ZNF330: variants seen among roughly 807,000 people sequenced by gnomAD.
ZNF330 encodes zinc finger protein 330.
A neutral mutation model predicts 45.5 loss-of-function variants in ZNF330; 31 were observed. The ratio of observed to expected loss-of-function variants is 0.68; its 90% confidence interval spans 0.51 to 0.92. The LOEUF (loss-of-function observed/expected upper bound fraction) is 0.92. Ranked by LOEUF, ZNF330 falls within the 40% of genes least tolerant of loss-of-function variation. The pLI, the probability that ZNF330 is intolerant of heterozygous loss-of-function variation, is 0.00. For missense variants in ZNF330, 356 were observed against 387.4 expected (o/e 0.92, Z 0.68); for synonymous variants, 138 against 123.2 (o/e 1.12, Z -0.79).
intron 1 of ZNF330, among the ~76,000 whole-genome samples, chr4:141,221,597 T>C (rs1006860739): frequency 3.9e-5 from 6 of 152,198 alleles, no homozygotes; most frequent in African/African-American, 9.7e-5. Flanking sequence ...TAAATCTGGC[T>C]ATTTTTCAGT....
chr4:141,232,626 G>A lies in ZNF330; in HGVS notation c.672G>A (p.Lys224=). The stretch of plus-strand genomic sequence containing the variant: ...GTGGGCATGAAACTCAGGAGACTAA[G>A]GACCTTAGCATGTCAAGTAAGGCCC... ...PKCGHETQET[K]DLSMSTRSLK... is the part of the protein sequence containing the mutation. The change falls in exon 9 of 10, where the codon AAG becomes AAA. Residue 224 remains lysine, a synonymous_variant. Transcript: ENST00000262990. The A allele has an allele frequency of 6.4e-7, 1 of 1,573,592 alleles. No homozygotes were observed. Among genetic ancestry groups the A allele is most frequent in the Non-Finnish European group, 8.6e-7 (1 of 1,161,428 alleles).
chr4:141,224,384 C>A, intron 2 of ZNF330, 103 bp from the exon 3 acceptor site: 1 of 1,069,080 alleles, frequency 9.4e-7, no homozygotes, highest in Non-Finnish European at 1.4e-6. Context: ...GGTGTAGTGT[C>A]ACTTAAATTT....
intron 1 of ZNF330, among the ~76,000 whole-genome samples, chr4:141,221,895 A>T (rs1728688594): frequency 6.6e-6 from 1 of 152,212 alleles, no homozygotes; most frequent in Non-Finnish European, 1.5e-5. Context: ...TACATATTAC[A>T]TAGGAAAAAT....
rs1728753138 is a variant in ZNF330 at position 141,224,472 on chromosome 4, T to G, written c.121-15T>G. 1 of 1,602,574 alleles carries G rather than the reference T, an allele frequency of 6.2e-7. No individual in the cohort carries two copies. The highest frequency in any genetic ancestry group is 1.3e-5 in the African/African-American group (1 of 74,520). On this transcript the variant is annotated splice_polypyrimidine_tract_variant and intron_variant, in intron 2 of 9. Coordinates refer to ENST00000262990, the MANE Select transcript of ZNF330 (RefSeq NM_014487.6). ...GTCAGCAGAAAAATTAATGTGATAT[T>G]TTTATATGTTACAGGAATGTGACAA...
chr4:141,222,476 A>AT lies in ZNF330; in HGVS notation c.106dup (p.Cys36LeufsTer2). 6.2e-7 allele frequency: 1 copy of AT among 1,612,718 alleles called. No individual in the cohort carries two copies. The highest frequency in any genetic ancestry group is 8.5e-7 in the Non-Finnish European group (1 of 1,179,552). On this transcript the variant is annotated frameshift_variant, in exon 2 of 10. Transcript: ENST00000262990. LOFTEE classifies it high-confidence loss of function. Reference sequence around the variant, plus strand: ...GCACTATAGATTTAGCTAAACATCCATGTAATGCCTCAATGGTATCAGCTT... The same window carrying AT: ...GCACTATAGATTTAGCTAAACATCCATTGTAATGCCTCAATGGTATCAGCTT...
At chr4:141,225,728 T>G (rs1030271327) in intron 4 of ZNF330, among the ~76,000 whole-genome samples, 1 of 152,076 alleles carries the variant, frequency 6.6e-6, no homozygotes. Context: ...TATGGAACAC[T>G]CATATGGTAG....
At position 141,234,196 on chromosome 4, in the gene ZNF330, G is replaced by C. The variant is rs1183597204; in HGVS notation, c.*207G>C. ...TAAGAAAAATGAGTTTCAAATTTAA[G>C]ATGTTTATTGATCGAAGCAATTGAA... is the stretch of plus-strand genomic sequence containing the variant. On this transcript the variant is annotated 3_prime_UTR_variant, in exon 10 of 10. Coordinates refer to ENST00000262990, the MANE Select transcript of ZNF330 (RefSeq NM_014487.6). 2.1e-6 allele frequency: 2 copies of C among 931,660 alleles called. No individual in the cohort carries two copies. The highest frequency in any genetic ancestry group is 3.3e-5 in the African/African-American group (2 of 59,704). 57.7% of individuals were successfully genotyped at this position (931,660 alleles called of 1,614,324 possible). A position where few individuals can be genotyped will look rare whatever the true frequency, so the allele number is the denominator to read the frequency against.
intron 8 of ZNF330, 82 bp downstream of exon 8, chr4:141,231,567 A>C: frequency 1.0e-6 from 1 of 995,234 alleles, no homozygotes; most frequent in Non-Finnish European, 1.5e-6. Flanking sequence ...ATATGCAGCT[A>C]TAATTAATTT....
At position 141,234,187 on chromosome 4, in the gene ZNF330, C is replaced by T; in HGVS notation, c.*198C>T. The T allele has an allele frequency of 2.0e-6, 2 of 1,009,364 alleles. No individual in the cohort carries two copies. The highest frequency in any genetic ancestry group is 5.9e-5 in the East Asian group (2 of 33,670). 62.5% of individuals were successfully genotyped at this position (1,009,364 alleles called of 1,614,324 possible). Reference sequence around the variant, plus strand: ...CTTATGGCATAAGAAAAATGAGTTTCAAATTTAAGATGTTTATTGATCGAA... The same window carrying T: ...CTTATGGCATAAGAAAAATGAGTTTTAAATTTAAGATGTTTATTGATCGAA... On this transcript the variant is annotated 3_prime_UTR_variant, in exon 10 of 10. Transcript: ENST00000262990.
Position 141,222,365 on chromosome 4 carries a change from G to A in ZNF330, c.-6-1G>A. 6.2e-7 allele frequency: 1 copy of A among 1,611,482 alleles called. No individual in the cohort carries two copies. The highest frequency in any genetic ancestry group is 8.5e-7 in the Non-Finnish European group (1 of 1,179,010). On this transcript the variant is annotated splice_acceptor_variant, in intron 1 of 9. Coordinates refer to ENST00000262990, the MANE Select transcript of ZNF330 (RefSeq NM_014487.6). LOFTEE classifies it low-confidence loss of function (5UTR_SPLICE). Reference sequence around the variant, plus strand: ...TTTTCTGTTCTCTTGTGTCAAAATAGGGGAAAATGCCTAAAAAAAAGACTG... The same window carrying A: ...TTTTCTGTTCTCTTGTGTCAAAATAAGGGAAAATGCCTAAAAAAAAGACTG...
chr4:141,223,845 T>G (rs991500600), intron 2 of ZNF330: 2 of 454,660 alleles, frequency 4.4e-6, no homozygotes, highest in African/African-American at 4.0e-5. Flanking sequence ...ACCAGAACTT[T>G]CAACAGGTAG....
At chr4:141,229,096 G>A (rs889313636) in intron 5 of ZNF330, among the ~76,000 whole-genome samples, 5 of 151,976 alleles carry the variant, frequency 3.3e-5, no homozygotes, top group South Asian at 2.1e-4. Flanking sequence ...CAGAAGTTTC[G>A]TATTTCTCAG....
At chr4:141,229,004 A>G (rs540629434) in intron 5 of ZNF330, among the ~76,000 whole-genome samples, 1 of 152,230 alleles carries the variant, frequency 6.6e-6, no homozygotes, top group South Asian at 2.1e-4. Flanking sequence ...TTAGTTCCAT[A>G]TATTTTACTT....
intron 7 of ZNF330, among the ~76,000 whole-genome samples, chr4:141,230,988 C>T (rs536456332): frequency 9.2e-4 from 139 of 151,840 alleles, no homozygotes; most frequent in Non-Finnish European, 1.6e-3. Context: ...GGAAAAAGAC[C>T]GAAATTCCCC....
In ZNF330 at chr4:141,220,918, C is replaced by G. The variant is rs551226639; in HGVS notation, c.-197C>G. The G allele has an allele frequency of 1.2e-3, 187 of 152,406 alleles. No homozygotes were observed. The highest frequency in any genetic ancestry group is 4.1e-3 in the African/African-American group (172 of 41,592). The allele number at this position is 152,406 out of a possible 1,614,324, so 9.4% of individuals were successfully genotyped here. ...CTGCTGTCGTAAAAGGACGTCCGGT[C>G]CGTCTCCTAGTGTCCGGAATCGGCT... On this transcript the variant is annotated 5_prime_UTR_variant, in exon 1 of 10. Coordinates refer to ENST00000262990, the MANE Select transcript of ZNF330 (RefSeq NM_014487.6).
intron 4 of ZNF330, 68 bp from the exon 5 acceptor site, chr4:141,226,696 AAGG>A: frequency 1.7e-6 from 2 of 1,198,850 alleles, no homozygotes; most frequent in South Asian, 2.6e-5. Flanking sequence ...GGCTGGATAA[AAGG>A]AGGAATTCGT....
chr4:141,224,606 G>A lies in ZNF330; in HGVS notation c.141-1G>A, dbSNP rs1377769977. ...TTTAAAATTTTATTTTACATGACAA[G>A]GCGGCAGAAGAATAGAGCATTTTGC... On this transcript the variant is annotated splice_acceptor_variant, in intron 3 of 9. Coordinates refer to ENST00000262990, the MANE Select transcript of ZNF330 (RefSeq NM_014487.6). LOFTEE classifies it high-confidence loss of function. The A allele has an allele frequency of 6.2e-7, 1 of 1,613,380 alleles. No individual in the cohort carries two copies. Among genetic ancestry groups the A allele is most frequent in the Non-Finnish European group, 8.5e-7 (1 of 1,179,602 alleles).
At chr4:141,227,449 C>T (rs990990895) in intron 5 of ZNF330, among the ~76,000 whole-genome samples, 1 of 152,088 alleles carries the variant, frequency 6.6e-6, no homozygotes, top group African/African-American at 2.4e-5. Flanking sequence ...TCATCCGTGT[C>T]TCTACAAAGG....
At chr4:141,224,774 C>A in intron 4 of ZNF330, 97 bp downstream of exon 4, 5 of 985,290 alleles carry the variant, frequency 5.1e-6, no homozygotes, top group Non-Finnish European at 7.9e-6. Flanking sequence ...ACAGTGCTTA[C>A]AATTGTTGAT....
Sources: allele counts gnomAD v4.1 joint callset (sites outside exome capture counted in the v4.1 genomes callset), GRCh38; gene constraint gnomAD v4.1.1; transcripts MANE v1.5; gene names NCBI Gene and HGNC (gene_info 2026-07-23, HGNC 2026-07-21).